The following RYR3 variants were observed in gnomAD, a reference collection of about 807,000 sequenced individuals.
RYR3 encodes ryanodine receptor 3, also known as brain ryanodine receptor-calcium release channel.
Under a neutral mutation model 584.3 loss-of-function variants are expected in RYR3, and 207 were observed. That is an observed-to-expected ratio of 0.35 (90% CI 0.32 to 0.40). The LOEUF is 0.40. Among genes scored for constraint, RYR3 ranks in the 10% least tolerant of loss-of-function variants. The pLI is 1.00. For missense variants in RYR3, 5,616 were observed against 6,089.2 expected (o/e 0.92, Z 2.59); for synonymous variants, 2,416 against 2,248.5 (o/e 1.07, Z -2.11).
At chr15:33,551,803 C>A (rs978918101) in intron 10 of RYR3, among the ~76,000 whole-genome samples, 1 of 151,946 alleles carries the variant, frequency 6.6e-6, no homozygotes, top group Non-Finnish European at 1.5e-5. Flanking sequence ...AAATTTATAT[C>A]TATTTAGTGA....
At chr15:33,649,272 G>T (rs986633439) in intron 31 of RYR3, 37 bp downstream of exon 31, 1 of 1,589,098 alleles carries the variant, frequency 6.3e-7, no homozygotes, top group South Asian at 1.1e-5. Flanking sequence ...TAGCCATCGG[G>T]CTTCTCAGTC....
At chr15:33,794,153 T>TATTTATATAATACATA (rs1567184665) in intron 67 of RYR3, among the ~76,000 whole-genome samples, 1 of 106,372 alleles carries the variant, frequency 9.4e-6, no homozygotes, top group Admixed American at 1.2e-4. Flanking sequence ...CATAAATATA[T>TATTTATATAATACATA]AATATATAAT....
Position 33,837,723 on chromosome 15 carries a change from A to T in RYR3, c.11743A>T (p.Met3915Leu). The change falls in exon 89 of 104, where the codon ATG becomes TTG. Residue 3915 changes from methionine (M) to leucine (L), a missense_variant. Met to Leu is a conservative substitution (Grantham distance 15, BLOSUM62 2). Around this residue, in one of 9 missense-constraint regions of RYR3, gnomAD observed 258 missense variants for 297.3 expected, o/e 0.87. Transcript: ENST00000634891. ...AGAAATGATCTTGAAATTCTTTGAC[A>T]TGTTCTTGAAACTTAAAGACTTAAC... Reference protein sequence around the residue: ...NVEMILKFFDMFLKLKDLTSS... With the variant: ...NVEMILKFFDLFLKLKDLTSS... 1 of 1,612,836 alleles carries T rather than the reference A, an allele frequency of 6.2e-7. No homozygotes were observed. Among genetic ancestry groups the T allele is most frequent in the South Asian group, 1.1e-5 (1 of 90,822 alleles).
intron 102 of RYR3, among the ~76,000 whole-genome samples, chr15:33,861,382 G>A (rs117851452): frequency 0.032 from 4,940 of 152,024 alleles, 158 homozygotes; most frequent in Non-Finnish European, 0.039. Context: ...CCTAGCAAAA[G>A]GCCAGCCCCT....
intron 2 of RYR3, among the ~76,000 whole-genome samples, chr15:33,492,554 T>C (rs1273700793): frequency 6.6e-6 from 1 of 152,040 alleles, no homozygotes; most frequent in Non-Finnish European, 1.5e-5. Context: ...GAAGAAGGCA[T>C]TGGGGAAAAA....
At chr15:33,757,356 G>A in intron 59 of RYR3, 119 bp from the exon 60 acceptor site, 1 of 1,137,406 alleles carries the variant, frequency 8.8e-7, no homozygotes, top group Non-Finnish European at 1.2e-6. Flanking sequence ...AGAATTTCCT[G>A]GAAATTACAG....
intron 64 of RYR3, among the ~76,000 whole-genome samples, chr15:33,778,027 G>A (rs889687891): frequency 3.3e-5 from 5 of 152,042 alleles, no homozygotes; most frequent in Admixed American, 6.6e-5. Flanking sequence ...AAAATTAGTC[G>A]GGTGTGGTGG....
chr15:33,652,628 T>C, intron 31 of RYR3, 90 bp from the exon 32 acceptor site: 11 of 1,357,404 alleles, frequency 8.1e-6, no homozygotes, highest in Non-Finnish European at 1.1e-5. Context: ...AAAGTTTCTG[T>C]AGCCATTTTC....
At chr15:33,498,117 A>G (rs939698704) in intron 2 of RYR3, among the ~76,000 whole-genome samples, 3 of 152,134 alleles carry the variant, frequency 2.0e-5, no homozygotes, top group Non-Finnish European at 4.4e-5. Flanking sequence ...TTATTTGTTG[A>G]TGAACACAGA....
chr15:33,460,975 C>A (rs28521278), intron 1 of RYR3, among the ~76,000 whole-genome samples: 7 of 60,558 alleles, frequency 1.2e-4, no homozygotes, highest in African/African-American at 4.2e-4. Flanking sequence ...GACGGAGTCT[C>A]GCTGTGTCGC....
At position 33,482,833 on chromosome 15, in the gene RYR3, A is replaced by G. The variant is rs535240973; in HGVS notation, c.171+9295A>G. Among the ~76,000 whole-genome samples the G allele has an allele frequency of 9.9e-4, 150 of 152,256 alleles. 1 individual carries two copies. The highest frequency in any genetic ancestry group is 3.6e-3 in the African/African-American group (148 of 41,568). On this transcript the variant is annotated intron_variant, in intron 2 of 103. Transcript: ENST00000634891. ...TTTTGGTTGTTGTTTTTCATTAAGTATAGAATTTGGGGGACATTATTTCTT... is the reference window on the plus strand; with the variant it reads ...TTTTGGTTGTTGTTTTTCATTAAGTGTAGAATTTGGGGGACATTATTTCTT...
At chr15:33,794,328 T>C in intron 67 of RYR3, among the ~76,000 whole-genome samples, 1 of 34,682 alleles carries the variant, frequency 2.9e-5, no homozygotes, top group East Asian at 0.021. Context: ...TATATTTTTA[T>C]ATATGTTTAT....
At position 33,512,554 on chromosome 15, in the gene RYR3, G is replaced by A. The variant is rs74693857; in HGVS notation, c.279+8816G>A. Among the ~76,000 whole-genome samples, 1,384 of 152,226 alleles carry A rather than the reference G, an allele frequency of 9.1e-3. 18 individuals carry two copies. Among genetic ancestry groups the A allele is most frequent in the African/African-American group, 0.032 (1,313 of 41,514 alleles). On this transcript the variant is annotated intron_variant, in intron 3 of 103. Transcript: ENST00000634891. The stretch of plus-strand genomic sequence containing the variant: ...GGTGAAATGGGCGTGTTGTGAAGTC[G>A]GCACCTCATGTTTAAGATCAATATG...
chr15:33,469,032 A>G (rs2048710215), intron 1 of RYR3, among the ~76,000 whole-genome samples: 2 of 152,224 alleles, frequency 1.3e-5, no homozygotes, highest in Non-Finnish European at 2.9e-5. Flanking sequence ...GGTGCCTGTC[A>G]CATAGGGATC....
intron 76 of RYR3, among the ~76,000 whole-genome samples, chr15:33,818,957 C>T (rs79637045): frequency 3.2e-4 from 48 of 152,298 alleles, no homozygotes; most frequent in African/African-American, 1.2e-3. Flanking sequence ...AACACCATCT[C>T]TACTAAAACT....
chr15:33,678,224 A>G (rs1195412608), intron 38 of RYR3, among the ~76,000 whole-genome samples: 1 of 152,180 alleles, frequency 6.6e-6, no homozygotes, highest in Non-Finnish European at 1.5e-5. Flanking sequence ...CACAAATCTC[A>G]TGTCGAATTG....
Position 33,379,687 on chromosome 15 carries a change from C to CTCTCTA in RYR3, c.51+68592_51+68593insCTCTAT. 2.9e-3 allele frequency among the ~76,000 whole-genome samples: 360 copies of CTCTCTA among 125,492 alleles called. 1 individual carries two copies. Among genetic ancestry groups the CTCTCTA allele is most frequent in the Middle Eastern group, 0.017 (4 of 242 alleles). 82.3% of individuals were successfully genotyped at this position (125,492 alleles called of 152,430 possible). A position where few individuals can be genotyped will look rare whatever the true frequency, so the allele number is the denominator to read the frequency against. On this transcript the variant is annotated intron_variant, in intron 1 of 103. Transcript: ENST00000634891. ...TGTCCCTCTCTCTCTCTCTCTCTCT[C>CTCTCTA]TATATATATATATATATATATGAAT...
intron 1 of RYR3, among the ~76,000 whole-genome samples, chr15:33,404,275 T>C (rs1426641602): frequency 6.6e-6 from 1 of 152,212 alleles, no homozygotes; most frequent in Non-Finnish European, 1.5e-5. Flanking sequence ...TTATTGAACG[T>C]GTATGTGTTC....
At chr15:33,352,802 G>A (rs1351456137) in intron 1 of RYR3, among the ~76,000 whole-genome samples, 1 of 152,150 alleles carries the variant, frequency 6.6e-6, no homozygotes, top group African/African-American at 2.4e-5. Context: ...GTTTACTCAT[G>A]GTGGTCATTT....
Sources: gnomAD v4.1 joint callset for allele counts (sites outside exome capture counted in the v4.1 genomes callset) on GRCh38, gnomAD v4.1.1 for gene constraint, gnomAD v4.1.1 regional missense constraint, MANE v1.5 for transcripts, NCBI Gene and HGNC (gene_info 2026-07-23, HGNC 2026-07-21) for gene names.